Variants in TTC39B observed in about 807,000 individuals in gnomAD.
TTC39B encodes the protein tetratricopeptide repeat protein 39B.
A neutral mutation model predicts 96.6 loss-of-function variants in TTC39B; 92 were observed. The observed-to-expected ratio is 0.95, with a 90% CI of 0.80 to 1.13. The LOEUF (loss-of-function observed/expected upper bound fraction) is 1.13. Ranked by LOEUF, TTC39B falls within the 50% of genes most tolerant of loss-of-function variation. TTC39B has a pLI of 0.00. For synonymous variants in TTC39B, 367 were observed against 299.4 expected, an observed-to-expected ratio of 1.23 and a Z score of -2.33; for missense variants, 955 against 809.3, an observed-to-expected ratio of 1.18 and a Z score of -2.18.
chr9:15,246,443 G>A (rs959417490), intron 2 of TTC39B, among the ~76,000 whole-genome samples: 3 of 152,036 alleles, frequency 2.0e-5, no homozygotes, highest in Non-Finnish European at 4.4e-5. Context: ...TAGAGAGAAG[G>A]ACAGAGACCA....
chr9:15,183,553 G>C (rs1217238041), intron 16 of TTC39B: 1 of 317,520 alleles, frequency 3.1e-6, no homozygotes. Flanking sequence ...GAAGTGCAGG[G>C]AGTTAACCTT....
chr9:15,307,209 C>G, exon 1 of TTC39B: 8 of 1,561,728 alleles, frequency 5.1e-6, no homozygotes, highest in Non-Finnish European at 6.9e-6. Context: ...CTCAGCCCAG[C>G]GCAAAGGAGG....
chr9:15,203,393 G>A (rs1452799944), intron 7 of TTC39B, among the ~76,000 whole-genome samples: 2 of 151,734 alleles, frequency 1.3e-5, no homozygotes, highest in African/African-American at 2.4e-5. Context: ...TGGGATTACA[G>A]GCGCCCGCCA....
intron 2 of TTC39B, among the ~76,000 whole-genome samples, chr9:15,228,590 G>A (rs767131418): frequency 5.9e-5 from 9 of 152,082 alleles, no homozygotes; most frequent in Non-Finnish European, 1.2e-4. Context: ...ATCAGAAACC[G>A]CCAACTCACC....
intron 2 of TTC39B, chr9:15,249,396 A>C (rs1822429690): frequency 6.6e-6 from 1 of 152,466 alleles, no homozygotes; most frequent in East Asian, 1.9e-4. Context: ...CAGAGGTGAG[A>C]GTCTAGGACA....
intron 1 of TTC39B, among the ~76,000 whole-genome samples, chr9:15,276,159 T>C (rs1256908632): frequency 6.6e-6 from 1 of 152,194 alleles, no homozygotes; most frequent in Non-Finnish European, 1.5e-5. Context: ...ATAAAAGTCC[T>C]TTGGATTTGG....
At position 15,265,548 on chromosome 9, in the gene TTC39B, T is replaced by G. The variant is rs185890145; in HGVS notation, c.275+2366A>C. 9.9e-4 allele frequency among the ~76,000 whole-genome samples: 151 copies of G among 152,280 alleles called. 1 individual carries two copies. Among genetic ancestry groups the G allele is most frequent in the African/African-American group, 3.5e-3 (147 of 41,552 alleles). ...CCAAGGGAGGAGCAGGGTTGAATAA[T>G]TATAAGATTTCTGAATGGCGATCAC... is the stretch of plus-strand genomic sequence containing the variant. On this transcript the variant is annotated intron_variant, in intron 2 of 19. Coordinates refer to ENST00000512701, the Ensembl canonical transcript of TTC39B.
intron 7 of TTC39B, among the ~76,000 whole-genome samples, chr9:15,201,991 G>C (rs1262851474): frequency 6.6e-6 from 1 of 152,174 alleles, no homozygotes; most frequent in Non-Finnish European, 1.5e-5. Flanking sequence ...AGAGTCACTA[G>C]GTTGCTGTGC....
intron 1 of TTC39B, among the ~76,000 whole-genome samples, chr9:15,279,452 C>T (rs1823670990): frequency 6.6e-6 from 1 of 152,178 alleles, no homozygotes; most frequent in Non-Finnish European, 1.5e-5. Context: ...GACTTGAGCT[C>T]ACAAGCTTAG....
intron 9 of TTC39B, among the ~76,000 whole-genome samples, 162 bp from the exon 10 acceptor site, chr9:15,191,417 A>G (rs1818850140): frequency 6.6e-6 from 1 of 152,242 alleles, no homozygotes; most frequent in Admixed American, 6.5e-5. Context: ...ACAATCATTT[A>G]TGAATTAATT....
chr9:15,261,331 C>A (rs1017272010), intron 2 of TTC39B, among the ~76,000 whole-genome samples: 1 of 152,022 alleles, frequency 6.6e-6, no homozygotes, highest in Admixed American at 6.6e-5. Context: ...ATAAAATTAG[C>A]CAGGCGTGAT....
At chr9:15,303,544 C>T (rs761764944) in intron 1 of TTC39B, among the ~76,000 whole-genome samples, 4 of 151,776 alleles carry the variant, frequency 2.6e-5, no homozygotes, top group Non-Finnish European at 5.9e-5. Context: ...GCTAACTATT[C>T]ATATTTTTAT....
chr9:15,274,116 C>A (rs938039589), intron 1 of TTC39B, among the ~76,000 whole-genome samples: 3 of 152,188 alleles, frequency 2.0e-5, no homozygotes, highest in Non-Finnish European at 1.5e-5. Flanking sequence ...TGCATAAACT[C>A]AAGTCACATC....
At chr9:15,209,341 C>T (rs374544985) in intron 6 of TTC39B, among the ~76,000 whole-genome samples, 7,627 of 152,140 alleles carry the variant, frequency 0.05, 273 homozygotes, top group Non-Finnish European at 0.069. Flanking sequence ...ATCAGGGTGC[C>T]GCAGCCAGCC....
intron 3 of TTC39B, among the ~76,000 whole-genome samples, chr9:15,221,460 GC>G (rs1249772274): frequency 6.6e-6 from 1 of 152,104 alleles, no homozygotes; most frequent in Non-Finnish European, 1.5e-5. Context: ...CTTTCGACAA[GC>G]CCTGTCCTTT....
At chr9:15,187,080 T>G in intron 14 of TTC39B, 45 bp from the exon 15 acceptor site, 2 of 1,424,736 alleles carry the variant, frequency 1.4e-6, no homozygotes, top group Admixed American at 4.0e-5. Flanking sequence ...CCTAGGTAAA[T>G]GACATTTCTA....
intron 6 of TTC39B, among the ~76,000 whole-genome samples, chr9:15,206,019 G>C (rs759441778): frequency 6.6e-6 from 1 of 152,174 alleles, no homozygotes. Flanking sequence ...TCCCTGCAGA[G>C]ATCTGAGCAG....
intron 8 of TTC39B, among the ~76,000 whole-genome samples, chr9:15,199,467 G>A: frequency 6.6e-6 from 1 of 151,958 alleles, no homozygotes; most frequent in Admixed American, 6.6e-5. Context: ...CAGGCGCGGT[G>A]GCTCACGCGT....
chr9:15,239,711 A>T (rs936153112), intron 2 of TTC39B, among the ~76,000 whole-genome samples: 1 of 152,232 alleles, frequency 6.6e-6, no homozygotes, highest in Non-Finnish European at 1.5e-5. Context: ...AACAATAGGT[A>T]CAAATGCAAA....
Sources: allele counts gnomAD v4.1 joint callset (sites outside exome capture counted in the v4.1 genomes callset), GRCh38; gene constraint gnomAD v4.1.1; transcripts MANE v1.5; gene names NCBI Gene and HGNC (gene_info 2026-07-23, HGNC 2026-07-21).